Variants in GNG5 observed in about 807,000 individuals in gnomAD.
The protein encoded by GNG5 is guanine nucleotide-binding protein G(I)/G(S)/G(O) subunit gamma-5.
A neutral mutation model predicts 6.2 loss-of-function variants in GNG5; 2 were observed. The ratio of observed to expected loss-of-function variants is 0.32; its 90% CI spans 0.13 to 1.01. The LOEUF is 1.01. Ranked by LOEUF, GNG5 falls within the 50% of genes least tolerant of loss-of-function variation. GNG5 has a pLI of 0.48. For missense variants in GNG5, 57 were observed against 80.2 expected (o/e 0.71, Z 1.10); for synonymous variants, 24 against 33.0 (o/e 0.73, Z 0.93).
At chr1:84,500,094 A>G (rs1341727216) in intron 3 of GNG5, among the ~76,000 whole-genome samples, 1 of 152,158 alleles carries the variant, frequency 6.6e-6, no homozygotes, top group Non-Finnish European at 1.5e-5. Flanking sequence ...ACATAACTCC[A>G]ATGTAGATTC....
At chr1:84,504,410 G>C (rs7524195) in intron 2 of GNG5, among the ~76,000 whole-genome samples, 1 of 152,190 alleles carries the variant, frequency 6.6e-6, no homozygotes, top group African/African-American at 2.4e-5. Flanking sequence ...ATTTAGGTAG[G>C]ATCAGTTTTG....
chr1:84,501,854 G>C lies in GNG5; in HGVS notation c.198C>G (p.Ser66=), dbSNP rs1017300549. ...TGAAAGATTCATTTTACTACAAAAA[G>C]GAACAGACTTTCTGGGGTCTGAAGG... The part of the protein sequence containing the change: ...TNPFRPQKVC[S]FL Residue 66 remains serine, a synonymous_variant, in exon 3 of 4, where the codon TCC becomes TCG. Coordinates refer to ENST00000370645, the MANE Select transcript of GNG5 (RefSeq NM_005274.3). The C allele has an allele frequency of 2.5e-6, 4 of 1,609,836 alleles. No individual in the cohort carries two copies. The highest frequency in any genetic ancestry group is 4.5e-5 in the East Asian group (2 of 44,858).
chr1:84,502,536 A>G (rs1358277179), intron 2 of GNG5, among the ~76,000 whole-genome samples: 1 of 152,194 alleles, frequency 6.6e-6, no homozygotes, highest in Non-Finnish European at 1.5e-5. Context: ...ACTGAGTACA[A>G]ACAGTAGAAT....
intron 2 of GNG5, 147 bp from the exon 3 acceptor site, chr1:84,502,117 G>A (rs1382991273): frequency 2.9e-6 from 1 of 347,656 alleles, no homozygotes; most frequent in East Asian, 6.0e-5. Flanking sequence ...GAAGACTTAA[G>A]TCAAATAGTG....
In GNG5 at chr1:84,506,000, C is replaced by G; in HGVS notation, c.81+11G>C. 1 of 1,510,934 alleles carries G rather than the reference C, an allele frequency of 6.6e-7. No homozygotes were observed. The highest frequency in any genetic ancestry group is 8.8e-7 in the Non-Finnish European group (1 of 1,130,526). The allele number at this position is 1,510,934 out of a possible 1,614,324, so 93.6% of individuals were successfully genotyped here. On this transcript the variant is annotated intron_variant, in intron 2 of 3. Coordinates refer to ENST00000370645, the MANE Select transcript of GNG5 (RefSeq NM_005274.3). Reference sequence around the variant, plus strand: ...GCCTTCCTCCCGCCTCGGCCGCCCGCCCCCGCTCACTTTTACGCGGTTGAG... The same window carrying G: ...GCCTTCCTCCCGCCTCGGCCGCCCGGCCCCGCTCACTTTTACGCGGTTGAG...
chr1:84,499,610 G>C (rs1337328936), intron 3 of GNG5, among the ~76,000 whole-genome samples: 1 of 152,130 alleles, frequency 6.6e-6, no homozygotes, highest in Admixed American at 6.5e-5. Context: ...TGTTTACAAA[G>C]AGTATTTAAT....
chr1:84,502,979 T>C lies in GNG5; in HGVS notation c.82-1009A>G, dbSNP rs547912722. Among the ~76,000 whole-genome samples the C allele has an allele frequency of 2.6e-5, 4 of 152,380 alleles. No homozygotes were observed. The South Asian group carries it at 8.3e-4, about 32-fold the overall frequency. ...TAAGTCCTGTTTGGGTGGCTCTGTA[T>C]ATGTATATTAACACTTAAATCATAT... On this transcript the variant is annotated intron_variant, in intron 2 of 3. Coordinates refer to ENST00000370645, the MANE Select transcript of GNG5 (RefSeq NM_005274.3).
Position 84,501,230 on chromosome 1 carries a change from TTAATC to T in GNG5, c.*19+591_*19+595del, listed in dbSNP as rs1212079851. Among the ~76,000 whole-genome samples, 4 of 152,260 alleles carry T rather than the reference TTAATC, an allele frequency of 2.6e-5. No homozygotes were observed. In the East Asian group the frequency reaches 5.8e-4, roughly 22 times the overall value. On this transcript the variant is annotated intron_variant, in intron 3 of 3. Transcript: ENST00000370645. ...ACTGCATTTCCTTCATGTTTTATCTTTAATCTAACAAATGAGAACAAAATATAAAG... is the reference window on the plus strand; with the variant it reads ...ACTGCATTTCCTTCATGTTTTATCTTTAACAAATGAGAACAAAATATAAAG...
chr1:84,506,147 G>T lies in GNG5; in HGVS notation c.-56C>A, dbSNP rs146985944. On this transcript the variant is annotated 5_prime_UTR_variant, in exon 2 of 4. Transcript: ENST00000370645. ...GTCGGTGGGTCGTGGGCCGTGGGTC[G>T]GCGGGGCCAGACAACTCAGCGGCGC... The T allele has an allele frequency of 9.3e-5, 136 of 1,468,536 alleles. No homozygotes were observed. The highest frequency in any genetic ancestry group is 8.8e-4 in the Middle Eastern group (5 of 5,666). 91.0% of individuals were successfully genotyped at this position (1,468,536 alleles called of 1,614,324 possible).
intron 3 of GNG5, among the ~76,000 whole-genome samples, chr1:84,499,924 G>C (rs546773533): frequency 2.1e-4 from 32 of 152,112 alleles, no homozygotes; most frequent in Admixed American, 6.5e-5. Context: ...GAGAAACGCT[G>C]TCTCTACCAA....
Position 84,506,034 on chromosome 1 carries a change from C to G in GNG5, c.58G>C (p.Glu20Gln), listed in dbSNP as rs754458288. ...MKKVVQQLRL[E>Q]AGLNRVKVSQ... The stretch of plus-strand genomic sequence containing the variant: ...ACTTTTACGCGGTTGAGTCCGGCCT[C>G]CAGCCGGAGCTGTTGAACCACTTTC... Residue 20 changes from glutamate (E) to glutamine (Q), a missense_variant, in exon 2 of 4, where the codon GAG (glutamate) becomes CAG (glutamine). Physicochemically the swap from Glu to Gln is conservative, Grantham distance 29. Coordinates refer to ENST00000370645, the MANE Select transcript of GNG5 (RefSeq NM_005274.3). The G allele has an allele frequency of 6.4e-7, 1 of 1,570,340 alleles. No individual in the cohort carries two copies. Among genetic ancestry groups the G allele is most frequent in the Admixed American group, 1.8e-5 (1 of 54,472 alleles).
intron 2 of GNG5, among the ~76,000 whole-genome samples, chr1:84,505,190 C>T (rs1558554630): frequency 6.6e-6 from 1 of 152,184 alleles, no homozygotes; most frequent in Non-Finnish European, 1.5e-5. Flanking sequence ...ATACTTAGAA[C>T]AGCACTTGAA....
In GNG5 at chr1:84,506,122, G is replaced by A. The variant is rs1476627778; in HGVS notation, c.-31C>T. The A allele has an allele frequency of 5.1e-6, 8 of 1,563,154 alleles. No homozygotes were observed. The highest frequency in any genetic ancestry group is 1.2e-5 in the South Asian group (1 of 86,384). On this transcript the variant is annotated 5_prime_UTR_variant, in exon 2 of 4. Transcript: ENST00000370645. ...ACGCGACGGCCGGGCCGATTCGTGG[G>A]TCGGTGGGTCGTGGGCCGTGGGTCG...
chr1:84,499,171 T>C (rs1448333545), intron 3 of GNG5, among the ~76,000 whole-genome samples: 1 of 152,118 alleles, frequency 6.6e-6, no homozygotes, highest in African/African-American at 2.4e-5. Context: ...TGAAAAACAG[T>C]GTACTAAAAA....
chr1:84,505,538 T>G (rs2101894206), intron 2 of GNG5, among the ~76,000 whole-genome samples: 1 of 152,310 alleles, frequency 6.6e-6, no homozygotes, highest in East Asian at 1.9e-4. Context: ...AGGTAAGAAT[T>G]TAATACTAAA....
rs750204585 is a variant in GNG5, at chr1:84,506,023, G to A, written c.69C>T (p.Leu23=). The change falls in exon 2 of 4, where the codon CTC becomes CTT. Residue 23 remains leucine (L), a synonymous_variant. Transcript: ENST00000370645. ...CGCCCCCGCTCACTTTTACGCGGTT[G>A]AGTCCGGCCTCCAGCCGGAGCTGTT... ...VVQQLRLEAG[L]NRVKVSQAAA... 1.9e-6 allele frequency: 3 copies of A among 1,563,652 alleles called. No homozygotes were observed. The Admixed American group carries it at 5.6e-5, about 29-fold the overall frequency.
intron 2 of GNG5, chr1:84,503,963 A>C (rs956582368): frequency 8.5e-5 from 13 of 152,254 alleles, no homozygotes; most frequent in African/African-American, 3.1e-4. Context: ...CAGTGAGGAA[A>C]GCTGAGACAA....
intron 2 of GNG5, among the ~76,000 whole-genome samples, chr1:84,502,256 C>T (rs1682074627): frequency 6.6e-6 from 1 of 151,472 alleles, no homozygotes; most frequent in Admixed American, 6.6e-5. Flanking sequence ...GCCTCAGCCT[C>T]CTGAGTAGCT....
chr1:84,501,241 A>C (rs1295600887), intron 3 of GNG5, among the ~76,000 whole-genome samples: 1 of 152,150 alleles, frequency 6.6e-6, no homozygotes, highest in Non-Finnish European at 1.5e-5. Flanking sequence ...TAATCTAACA[A>C]ATGAGAACAA....
Sources: allele counts gnomAD v4.1 joint callset (sites outside exome capture counted in the v4.1 genomes callset), GRCh38; gene constraint gnomAD v4.1.1; transcripts MANE v1.5; gene names NCBI Gene and HGNC (gene_info 2026-07-23, HGNC 2026-07-21).